NHEJ1: variants seen among roughly 807,000 people sequenced by gnomAD.
NHEJ1 encodes the protein non-homologous end joining factor 1, also known as non-homologous end-joining factor 1.
Under a neutral mutation model 39.4 loss-of-function variants are expected in NHEJ1, and 22 were observed. That is an observed-to-expected ratio of 0.56 (90% CI 0.40 to 0.80). NHEJ1 has a LOEUF of 0.80. NHEJ1 is among the 30% of genes least tolerant of loss of function. NHEJ1 has a pLI of 0.00. For synonymous variants in NHEJ1, 154 were observed against 135.6 expected (o/e 1.14, Z -0.94); for missense variants, 329 against 357.1 (o/e 0.92, Z 0.63).
intron 5 of NHEJ1, among the ~76,000 whole-genome samples, chr2:219,094,207 A>G (rs1949185956): frequency 6.6e-6 from 1 of 152,202 alleles, no homozygotes; most frequent in Admixed American, 6.5e-5. Flanking sequence ...GGATGACCCT[A>G]ACATCCAGTG....
chr2:219,090,241 G>C (rs1181846299), intron 5 of NHEJ1, among the ~76,000 whole-genome samples: 1 of 152,142 alleles, frequency 6.6e-6, no homozygotes, highest in Non-Finnish European at 1.5e-5. Flanking sequence ...CAAAAACAGT[G>C]TGGGCTCTGG....
intron 5 of NHEJ1, among the ~76,000 whole-genome samples, chr2:219,126,157 G>A (rs944347967): frequency 1.3e-5 from 2 of 152,184 alleles, no homozygotes; most frequent in Admixed American, 6.5e-5. Context: ...GTGGTTCAAT[G>A]GGCAGATTTT....
chr2:219,078,901 T>C (rs531201689), intron 5 of NHEJ1, among the ~76,000 whole-genome samples: 1 of 152,296 alleles, frequency 6.6e-6, no homozygotes, highest in African/African-American at 2.4e-5. Flanking sequence ...CATAAATAGA[T>C]TTTTTGGTAT....
At chr2:219,092,514 T>C (rs1419107323) in intron 5 of NHEJ1, among the ~76,000 whole-genome samples, 1 of 152,236 alleles carries the variant, frequency 6.6e-6, no homozygotes, top group Non-Finnish European at 1.5e-5. Flanking sequence ...TACGAAAGTA[T>C]CTGTGATTTC....
chr2:219,159,528 T>TAC (rs1949894755), intron 1 of NHEJ1, among the ~76,000 whole-genome samples: 1 of 92,236 alleles, frequency 1.1e-5, no homozygotes, highest in Admixed American at 1.1e-4. Flanking sequence ...TATATATGCA[T>TAC]ATATATATGC....
chr2:219,106,080 C>T (rs1157196861), intron 5 of NHEJ1, among the ~76,000 whole-genome samples: 1 of 152,172 alleles, frequency 6.6e-6, no homozygotes, highest in Non-Finnish European at 1.5e-5. Context: ...GCTCACTAAA[C>T]GTTCATTCCA....
intron 5 of NHEJ1, among the ~76,000 whole-genome samples, chr2:219,128,834 G>A (rs1450089554): frequency 6.6e-6 from 1 of 152,152 alleles, no homozygotes; most frequent in Non-Finnish European, 1.5e-5. Flanking sequence ...CCACTGTGGG[G>A]CCATAGGTAG....
At chr2:219,138,442 C>T (rs1039401103) in intron 5 of NHEJ1, among the ~76,000 whole-genome samples, 1 of 152,170 alleles carries the variant, frequency 6.6e-6, no homozygotes, top group Non-Finnish European at 1.5e-5. Context: ...ATGTCTAAGG[C>T]TACCAATAGG....
chr2:219,115,237 G>C (rs994634961), intron 5 of NHEJ1, among the ~76,000 whole-genome samples: 1 of 152,188 alleles, frequency 6.6e-6, no homozygotes, highest in Non-Finnish European at 1.5e-5. Context: ...TTTTCCACCA[G>C]TGGAACTAAA....
At position 219,075,037 on chromosome 2, in the gene NHEJ1, G is replaced by C. The variant is rs957614058; in HGVS notation, c.*1344C>G. ...AAGAGGCAAGGTCATGGGATAAGGA[G>C]GTTTACAGTGGGAGACTGGAAAGAA... is the stretch of plus-strand genomic sequence containing the variant. On this transcript the variant is annotated 3_prime_UTR_variant, in exon 8 of 8. Transcript: ENST00000356853. Among the ~76,000 whole-genome samples the C allele has an allele frequency of 1.3e-5, 2 of 152,166 alleles. No homozygotes were observed. The highest frequency in any genetic ancestry group is 4.8e-5 in the African/African-American group (2 of 41,420).
intron 5 of NHEJ1, among the ~76,000 whole-genome samples, chr2:219,091,019 C>T (rs1185119808): frequency 6.6e-6 from 1 of 152,166 alleles, no homozygotes; most frequent in East Asian, 1.9e-4. Flanking sequence ...GTTCAGGGAC[C>T]ATTCATCTAG....
At chr2:219,154,986 T>C (rs1949838844) in intron 3 of NHEJ1, among the ~76,000 whole-genome samples, 1 of 147,780 alleles carries the variant, frequency 6.8e-6, no homozygotes, top group Non-Finnish European at 1.5e-5. Flanking sequence ...TATATTTATA[T>C]ATTAATCTAT....
chr2:219,082,473 C>T (rs1949076080), intron 5 of NHEJ1, among the ~76,000 whole-genome samples: 2 of 152,192 alleles, frequency 1.3e-5, no homozygotes, highest in Admixed American at 6.5e-5. Flanking sequence ...TTTTCAACTA[C>T]AAATACGTAA....
At chr2:219,076,991 T>A (rs1231123619) in intron 7 of NHEJ1, among the ~76,000 whole-genome samples, 1 of 152,172 alleles carries the variant, frequency 6.6e-6, no homozygotes, top group African/African-American at 2.4e-5. Flanking sequence ...TCACTGGCCA[T>A]CACCGGAAGT....
chr2:219,087,653 G>A (rs1012856473), intron 5 of NHEJ1, among the ~76,000 whole-genome samples: 4 of 151,964 alleles, frequency 2.6e-5, no homozygotes, highest in African/African-American at 9.7e-5. Context: ...ATAGGGTGAC[G>A]CACCACCTCC....
intron 5 of NHEJ1, among the ~76,000 whole-genome samples, chr2:219,107,069 C>G (rs565102624): frequency 1.3e-5 from 2 of 152,216 alleles, no homozygotes; most frequent in East Asian, 3.9e-4. Flanking sequence ...ATATGGTGTC[C>G]TGCTTCAACA....
intron 5 of NHEJ1, among the ~76,000 whole-genome samples, chr2:219,117,791 A>C (rs1949430053): frequency 6.6e-6 from 1 of 152,226 alleles, no homozygotes; most frequent in Admixed American, 6.5e-5. Flanking sequence ...TCTGAATCTC[A>C]GTTTTACTCT....
At position 219,146,754 on chromosome 2, in the gene NHEJ1, T is replaced by C. The variant is rs892061949; in HGVS notation, c.530-16A>G. 1.9e-6 allele frequency: 3 copies of C among 1,599,954 alleles called. No individual in the cohort carries two copies. The highest frequency in any genetic ancestry group is 2.7e-5 in the African/African-American group (2 of 74,534). On this transcript the variant is annotated splice_polypyrimidine_tract_variant and intron_variant, in intron 4 of 7. Coordinates refer to ENST00000356853, the MANE Select transcript of NHEJ1 (RefSeq NM_024782.3). ...TTCAATCGATCTGTAATAAGAAGGATCAGAAAAAAGAAATATGAGTCATAC... is the reference window on the plus strand; with the variant it reads ...TTCAATCGATCTGTAATAAGAAGGACCAGAAAAAAGAAATATGAGTCATAC...
At chr2:219,103,946 C>T (rs575746155) in intron 5 of NHEJ1, among the ~76,000 whole-genome samples, 1 of 152,254 alleles carries the variant, frequency 6.6e-6, no homozygotes, top group Admixed American at 6.5e-5. Context: ...AACTCTAGAG[C>T]ACACATATGT....
Sources: allele counts gnomAD v4.1 joint callset (sites outside exome capture counted in the v4.1 genomes callset), GRCh38; gene constraint gnomAD v4.1.1; transcripts MANE v1.5; gene names NCBI Gene and HGNC (gene_info 2026-07-23, HGNC 2026-07-21).